HSP90AA1: variants seen among roughly 807,000 people sequenced by gnomAD.
The protein encoded by HSP90AA1 is heat shock protein HSP 90-alpha.
A neutral mutation model predicts 73.3 loss-of-function variants in HSP90AA1; 18 were observed. That is an observed-to-expected ratio of 0.25 (90% CI 0.17 to 0.36). HSP90AA1 has a LOEUF of 0.36. Among genes scored for constraint, HSP90AA1 ranks in the 10% least tolerant of loss-of-function variants. The pLI is 1.00. For missense variants in HSP90AA1, 704 were observed against 874.2 expected, an observed-to-expected ratio of 0.81 and a Z score of 2.45; for synonymous variants, 477 against 296.9, an observed-to-expected ratio of 1.61 and a Z score of -6.24.
At chr14:102,104,507 C>A (rs1215290332) in intron 1 of HSP90AA1, among the ~76,000 whole-genome samples, 2 of 152,052 alleles carry the variant, frequency 1.3e-5, no homozygotes, top group Non-Finnish European at 1.5e-5. Flanking sequence ...GCCACTGCGC[C>A]CGGCCTACAC....
Position 102,085,137 on chromosome 14 carries a change from C to T in HSP90AA1, c.664-139G>A, listed in dbSNP as rs2049194605. On this transcript the variant is annotated intron_variant, in intron 4 of 10. Coordinates refer to ENST00000216281, the MANE Select transcript of HSP90AA1 (RefSeq NM_005348.4). ...CCCAGCTTTTCATCAATATTTGATA[C>T]ATCCACTTAATAGCCCGAGGAACTT... The T allele has an allele frequency of 1.3e-6, 2 of 1,490,970 alleles. 1 individual carries two copies. The highest frequency in any genetic ancestry group is 2.3e-5 in the South Asian group (2 of 86,236). The allele number at this position is 1,490,970 out of a possible 1,614,324, so 92.4% of individuals were successfully genotyped here. A position where few individuals can be genotyped will look rare whatever the true frequency, so the allele number is the denominator to read the frequency against.
exon 1 of HSP90AA1, chr14:102,139,670 G>T (rs1485394850): frequency 2.0e-5 from 13 of 653,158 alleles, no homozygotes; most frequent in African/African-American, 5.5e-5. Context: ...CAGCCATGCC[G>T]CCCGGAGGCC....
At chr14:102,098,278 C>T (rs2049450036) in intron 2 of HSP90AA1, among the ~76,000 whole-genome samples, 1 of 151,560 alleles carries the variant, frequency 6.6e-6, no homozygotes, top group African/African-American at 2.4e-5. Flanking sequence ...TCTCCTGCCT[C>T]AGCCTCCCGA....
upstream of HSP90AA1, among the ~76,000 whole-genome samples, chr14:102,087,703 T>C (rs115452353): frequency 5.0e-3 from 761 of 152,224 alleles, 5 homozygotes; most frequent in African/African-American, 0.018. Context: ...GCTCGGGGAT[T>C]CTCCAGACCC....
At chr14:102,135,221 G>C (rs1474862634) in intron 1 of HSP90AA1, among the ~76,000 whole-genome samples, 2 of 150,338 alleles carry the variant, frequency 1.3e-5, no homozygotes, top group Non-Finnish European at 3.0e-5. Context: ...TACAGAGTGT[G>C]GATTGGTGCA....
intron 2 of HSP90AA1, among the ~76,000 whole-genome samples, chr14:102,092,726 T>G (rs549429644): frequency 6.6e-6 from 1 of 152,258 alleles, no homozygotes; most frequent in African/African-American, 2.4e-5. Context: ...TTGAAATACA[T>G]CAAATTGTAC....
At chr14:102,115,480 G>A (rs2152622895) in intron 1 of HSP90AA1, among the ~76,000 whole-genome samples, 1 of 152,256 alleles carries the variant, frequency 6.6e-6, no homozygotes, top group South Asian at 2.1e-4. Context: ...ATTTTGATTA[G>A]TTATTGCCAA....
intron 1 of HSP90AA1, among the ~76,000 whole-genome samples, chr14:102,126,452 A>G (rs1317203976): frequency 6.6e-6 from 1 of 152,230 alleles, no homozygotes; most frequent in African/African-American, 2.4e-5. Flanking sequence ...TTAAAGCGGA[A>G]AAAGAATGGC....
intron 1 of HSP90AA1, among the ~76,000 whole-genome samples, chr14:102,108,255 C>T (rs916682944): frequency 1.0e-5 from 1 of 96,492 alleles, no homozygotes; most frequent in African/African-American, 3.4e-5. Context: ...AGAGCGAGAC[C>T]TTGTCTCCAA....
chr14:102,105,558 G>A (rs555766468), intron 1 of HSP90AA1, among the ~76,000 whole-genome samples: 2 of 152,296 alleles, frequency 1.3e-5, no homozygotes, highest in South Asian at 2.1e-4. Context: ...AGGTGCTAGC[G>A]GTGGCTAGAG....
chr14:102,092,841 C>T (rs972252532), intron 2 of HSP90AA1, among the ~76,000 whole-genome samples: 6 of 152,086 alleles, frequency 3.9e-5, no homozygotes, highest in Admixed American at 3.3e-4. Context: ...GCCTCTGCCT[C>T]CTCAGTTCAA....
chr14:102,129,786 A>G (rs965799075), intron 1 of HSP90AA1, among the ~76,000 whole-genome samples: 2 of 141,950 alleles, frequency 1.4e-5, no homozygotes, highest in African/African-American at 2.5e-5. Flanking sequence ...TACAGGCGTG[A>G]GCCACCACGC....
At chr14:102,082,716 G>A in intron 9 of HSP90AA1, 1 of 513,168 alleles carries the variant, frequency 1.9e-6, no homozygotes, top group Non-Finnish European at 3.5e-6. Context: ...CGCCTCCTGG[G>A]TTCAGGCGAT....
intron 1 of HSP90AA1, among the ~76,000 whole-genome samples, chr14:102,129,335 C>T (rs1468594422): frequency 1.3e-5 from 2 of 151,328 alleles, no homozygotes; most frequent in East Asian, 3.9e-4. Flanking sequence ...TTTAACTGCA[C>T]ATATAATTCA....
exon 1 of HSP90AA1, chr14:102,139,585 G>A (rs1021796174): frequency 1.4e-6 from 1 of 703,836 alleles, no homozygotes; most frequent in Non-Finnish European, 2.3e-6. Flanking sequence ...CCCCCTGACC[G>A]GCTTTCCGCT....
At position 102,086,077 on chromosome 14, in the gene HSP90AA1, T is replaced by G; in HGVS notation, c.210A>C (p.Leu70Phe). 1 of 1,614,004 alleles carries G rather than the reference T, an allele frequency of 6.2e-7. No individual in the cohort carries two copies. Among genetic ancestry groups the G allele is most frequent in the Non-Finnish European group, 8.5e-7 (1 of 1,179,894 alleles). ...TAATATGCAGCTCTTTCCCAGAGTC[T>G]AATTTACTGGGATCTGTCAAGCTTT... Reference protein sequence around the residue: ...RYESLTDPSKLDSGKELHINL... With the variant: ...RYESLTDPSKFDSGKELHINL... Residue 70 changes from leucine to phenylalanine, a missense_variant, in exon 3 of 11, where the codon TTA becomes TTC. Leu to Phe is a conservative substitution (Grantham distance 22). Coordinates refer to ENST00000216281, the MANE Select transcript of HSP90AA1 (RefSeq NM_005348.4).
Position 102,081,623 on chromosome 14 carries a change from T to C in HSP90AA1, c.*89A>G, listed in dbSNP as rs1020266388. On this transcript the variant is annotated 3_prime_UTR_variant, in exon 11 of 11. Coordinates refer to ENST00000216281, the MANE Select transcript of HSP90AA1 (RefSeq NM_005348.4). ...GTCATGCCATACAGACTTTTTAATA[T>C]TAACAAAAATAAAGAAAAACATCCT... is the stretch of plus-strand genomic sequence containing the variant. 1.0e-5 allele frequency: 8 copies of C among 771,882 alleles called. No homozygotes were observed. The highest frequency in any genetic ancestry group is 3.4e-5 in the African/African-American group (2 of 58,076). 47.8% of individuals were successfully genotyped at this position (771,882 alleles called of 1,614,324 possible).
intron 1 of HSP90AA1, among the ~76,000 whole-genome samples, chr14:102,102,281 C>T (rs2049504402): frequency 6.6e-6 from 1 of 152,108 alleles, no homozygotes; most frequent in Admixed American, 6.6e-5. Context: ...GACCAGGGTC[C>T]CAGTAAGGAG....
chr14:102,137,080 G>A (rs2050009638), intron 1 of HSP90AA1, among the ~76,000 whole-genome samples: 1 of 151,682 alleles, frequency 6.6e-6, no homozygotes, highest in African/African-American at 2.4e-5. Context: ...TGGGTGTGGT[G>A]GCATGCGCCT....
Sources: gnomAD v4.1 joint callset for allele counts (sites outside exome capture counted in the v4.1 genomes callset) on GRCh38, gnomAD v4.1.1 for gene constraint, MANE v1.5 for transcripts, NCBI Gene and HGNC (gene_info 2026-07-23, HGNC 2026-07-21) for gene names.